FAM171B: variants seen among roughly 807,000 people sequenced by gnomAD.
The protein encoded by FAM171B is protein FAM171B.
Under a neutral mutation model 75.6 loss-of-function variants are expected in FAM171B, and 19 were observed. The ratio of observed to expected loss-of-function variants is 0.25; its 90% CI spans 0.18 to 0.37. FAM171B has a LOEUF of 0.37. Among genes scored for constraint, FAM171B ranks in the 10% least tolerant of loss-of-function variants. The pLI is 1.00. For synonymous variants in FAM171B, 367 were observed against 361.7 expected (o/e 1.01, Z -0.17); for missense variants, 848 against 982.4 (o/e 0.86, Z 1.83).
chr2:186,743,562 T>C lies in FAM171B; in HGVS notation c.552T>C (p.Thr184=). ...TATTTGAAGACACTGTTTTAATTAC[T>C]GGAAAATTAGCTGGTAAGTACCATA... The part of the protein sequence containing the change: ...IWLFEDTVLI[T]GKLADAKSQP... Residue 184 remains threonine, a synonymous_variant, in exon 3 of 8, where the codon ACT becomes ACC. Transcript: ENST00000304698. The C allele has an allele frequency of 6.2e-7, 1 of 1,610,206 alleles. No homozygotes were observed. The highest frequency in any genetic ancestry group is 1.1e-5 in the South Asian group (1 of 90,884).
rs998224175 is a variant in FAM171B at position 186,764,142 on chromosome 2, C to T, written c.*1319C>T. ...CTGATCCCATTTTTCTTAAAATTTC[C>T]CTGAAGGCAAATGTCTGAAGCACCT... On this transcript the variant is annotated 3_prime_UTR_variant, in exon 8 of 8. Coordinates refer to ENST00000304698, the MANE Select transcript of FAM171B (RefSeq NM_177454.4). 6.6e-6 allele frequency: 1 copy of T among 151,902 alleles called. No individual in the cohort carries two copies. Among genetic ancestry groups the T allele is most frequent in the African/African-American group, 2.4e-5 (1 of 41,374 alleles). The allele number at this position is 151,902 out of a possible 1,614,324, so 9.4% of individuals were successfully genotyped here. A position where few individuals can be genotyped will look rare whatever the true frequency, so the allele number is the denominator to read the frequency against.
At chr2:186,723,139 A>C (rs922954894) in intron 1 of FAM171B, among the ~76,000 whole-genome samples, 1 of 152,218 alleles carries the variant, frequency 6.6e-6, no homozygotes. Flanking sequence ...TCTGTATCCA[A>C]TTCAAGTAAT....
chr2:186,748,489 C>G (rs1308745596), intron 4 of FAM171B, among the ~76,000 whole-genome samples: 6 of 152,178 alleles, frequency 3.9e-5, no homozygotes, highest in Admixed American at 3.9e-4. Context: ...TTTCCTACTG[C>G]ACACATCTGT....
At chr2:186,749,905 T>G (rs1690424710) in intron 4 of FAM171B, among the ~76,000 whole-genome samples, 1 of 152,064 alleles carries the variant, frequency 6.6e-6, no homozygotes, top group Non-Finnish European at 1.5e-5. Flanking sequence ...TATCATGCAC[T>G]TACATTTGGG....
At chr2:186,701,351 G>A (rs1358041852) in intron 1 of FAM171B, among the ~76,000 whole-genome samples, 1 of 151,782 alleles carries the variant, frequency 6.6e-6, no homozygotes, top group Non-Finnish European at 1.5e-5. Context: ...ACCTTTTTTG[G>A]TGTGGTAACA....
At chr2:186,736,127 T>C (rs1574106664) in intron 1 of FAM171B, among the ~76,000 whole-genome samples, 1 of 152,332 alleles carries the variant, frequency 6.6e-6, no homozygotes, top group East Asian at 1.9e-4. Flanking sequence ...TGGAACCTCA[T>C]TTTAAGGTAT....
chr2:186,701,965 A>G (rs1689668311), intron 1 of FAM171B, among the ~76,000 whole-genome samples: 1 of 152,162 alleles, frequency 6.6e-6, no homozygotes, highest in South Asian at 2.1e-4. Flanking sequence ...CCTTTTGTCC[A>G]AGTTGCCTTA....
chr2:186,752,327 G>T (rs1690468596), intron 5 of FAM171B, among the ~76,000 whole-genome samples: 1 of 152,078 alleles, frequency 6.6e-6, no homozygotes, highest in Non-Finnish European at 1.5e-5. Flanking sequence ...ACTTGAAATG[G>T]GATTTCCTGT....
rs138314146 is a variant in FAM171B, at chr2:186,753,467, A to G, written c.896-466A>G. On this transcript the variant is annotated intron_variant, in intron 5 of 7. Coordinates refer to ENST00000304698, the MANE Select transcript of FAM171B (RefSeq NM_177454.4). ...ATTTTAAAACTCACAAAATTAATAG[A>G]TAAGTTTTTCATGAATTCCATGATT... Among the ~76,000 whole-genome samples the G allele has an allele frequency of 9.0e-3, 1,365 of 152,332 alleles. 10 individuals are homozygous for G. The highest frequency in any genetic ancestry group is 0.031 in the African/African-American group (1,288 of 41,586).
At chr2:186,698,128 T>A (rs1689607728) in intron 1 of FAM171B, among the ~76,000 whole-genome samples, 1 of 152,052 alleles carries the variant, frequency 6.6e-6, no homozygotes, top group Non-Finnish European at 1.5e-5. Context: ...GACAACCATA[T>A]TATATTAATT....
intron 1 of FAM171B, among the ~76,000 whole-genome samples, chr2:186,721,325 A>G (rs969683406): frequency 6.6e-6 from 1 of 152,284 alleles, no homozygotes; most frequent in Middle Eastern, 3.4e-3. Context: ...TGCTGTTCTG[A>G]GCCAAGAGAG....
Position 186,762,216 on chromosome 2 carries a change from G to A in FAM171B, c.1874G>A (p.Ser625Asn), listed in dbSNP as rs369057508. 69 of 1,613,624 alleles carry A rather than the reference G, an allele frequency of 4.3e-5. No individual in the cohort carries two copies. The highest frequency in any genetic ancestry group is 3.0e-5 in the Non-Finnish European group (35 of 1,179,802). The change falls in exon 8 of 8, where the codon AGC becomes AAC. Residue 625 changes from serine (S) to asparagine (N), a missense_variant. By Grantham distance (46) the Ser-to-Asn change is conservative. Around this residue, in one of 3 missense-constraint regions of FAM171B, gnomAD observed 47 missense variants for 94.0 expected, o/e 0.50. Transcript: ENST00000304698. The surrounding 1 kb of genome is among the most constrained non-coding windows in gnomAD (Gnocchi z 4.0). Reference sequence around the variant, plus strand: ...GCTTCAGATTGGAGCCGATACTCAAGCAGCTTACTGGAATCCGTCTCTGTT... The same window carrying A: ...GCTTCAGATTGGAGCCGATACTCAAACAGCTTACTGGAATCCGTCTCTGTT... ...SQASDWSRYS[S>N]SLLESVSVPG...
At chr2:186,735,187 G>A (rs528574896) in intron 1 of FAM171B, among the ~76,000 whole-genome samples, 106 of 152,270 alleles carry the variant, frequency 7.0e-4, no homozygotes, top group African/African-American at 2.4e-3. Flanking sequence ...TGCTCCACAC[G>A]GGCTGTCACT....
At chr2:186,733,916 T>C (rs762764675) in intron 1 of FAM171B, among the ~76,000 whole-genome samples, 1 of 152,166 alleles carries the variant, frequency 6.6e-6, no homozygotes, top group Non-Finnish European at 1.5e-5. Context: ...CTGGGCTCCC[T>C]GAAGGACTGC....
chr2:186,743,914 TG>T (rs1238842170), intron 3 of FAM171B, among the ~76,000 whole-genome samples: 1 of 152,222 alleles, frequency 6.6e-6, no homozygotes, highest in Non-Finnish European at 1.5e-5. Flanking sequence ...CTCAGGCCTT[TG>T]GGGCTAATTT....
chr2:186,737,311 A>T (rs1202830841), intron 1 of FAM171B, among the ~76,000 whole-genome samples: 1 of 152,228 alleles, frequency 6.6e-6, no homozygotes, highest in Non-Finnish European at 1.5e-5. Flanking sequence ...GGTTAAAGTA[A>T]AAACAGGCTT....
chr2:186,724,658 C>T (rs1322088311), intron 1 of FAM171B, among the ~76,000 whole-genome samples: 2 of 152,120 alleles, frequency 1.3e-5, no homozygotes, highest in Non-Finnish European at 2.9e-5. Flanking sequence ...TGAGAAGTGT[C>T]ATTTTGACAA....
intron 1 of FAM171B, among the ~76,000 whole-genome samples, chr2:186,712,143 T>TC (rs1344141101): frequency 6.6e-6 from 1 of 152,220 alleles, no homozygotes; most frequent in Non-Finnish European, 1.5e-5. Context: ...GAATTAAGTA[T>TC]CTTTTGTTAT....
intron 1 of FAM171B, 138 bp downstream of exon 1, chr2:186,694,549 G>T (rs555146089): frequency 3.2e-6 from 4 of 1,251,542 alleles, no homozygotes; most frequent in South Asian, 3.2e-5. Flanking sequence ...TCTCTCCCCA[G>T]ACTGGCTGCC....
Sources: gnomAD v4.1 joint callset for allele counts (sites outside exome capture counted in the v4.1 genomes callset) on GRCh38, gnomAD v4.1.1 for gene constraint, gnomAD v4.1.1 regional missense constraint, Gnocchi (gnomAD v3.1) non-coding constraint, MANE v1.5 for transcripts, NCBI Gene and HGNC (gene_info 2026-07-23, HGNC 2026-07-21) for gene names.